The following ADGRB3 variants were observed in gnomAD, a reference collection of about 807,000 sequenced individuals.
The protein encoded by ADGRB3 is brain-specific angiogenesis inhibitor 3.
A neutral mutation model predicts 193.4 loss-of-function variants in ADGRB3; 37 were observed. The ratio of observed to expected loss-of-function variants is 0.19; its 90% CI spans 0.15 to 0.25. The LOEUF is 0.25. Ranked by LOEUF, ADGRB3 falls within the 10% of genes least tolerant of loss-of-function variation. ADGRB3 has a pLI of 1.00. For missense variants in ADGRB3, 1,637 were observed against 1,852.9 expected (o/e 0.88, Z 2.14); for synonymous variants, 690 against 644.2 (o/e 1.07, Z -1.08).
At chr6:68,969,874 T>C (rs1256019467) in intron 8 of ADGRB3, among the ~76,000 whole-genome samples, 1 of 152,222 alleles carries the variant, frequency 6.6e-6, no homozygotes, top group East Asian at 1.9e-4. Context: ...CAAACTATCT[T>C]AAAATTTAAA....
At chr6:69,293,951 T>A (rs1449220025) in intron 20 of ADGRB3, among the ~76,000 whole-genome samples, 1 of 151,448 alleles carries the variant, frequency 6.6e-6, no homozygotes, top group African/African-American at 2.4e-5. Context: ...TCAGAGTTCC[T>A]CCTTTTCCAG....
At chr6:68,923,148 T>A (rs1767090414) in intron 3 of ADGRB3, among the ~76,000 whole-genome samples, 1 of 152,142 alleles carries the variant, frequency 6.6e-6, no homozygotes, top group Non-Finnish European at 1.5e-5. Context: ...TAAAAGATAC[T>A]ATTTTAAGTT....
chr6:69,128,982 C>T (rs976507392), intron 17 of ADGRB3, among the ~76,000 whole-genome samples: 1 of 152,128 alleles, frequency 6.6e-6, no homozygotes, highest in African/African-American at 2.4e-5. Flanking sequence ...GTTATAAGTC[C>T]TTTCCCCATG....
intron 3 of ADGRB3, among the ~76,000 whole-genome samples, chr6:68,835,212 G>A (rs999408441): frequency 3.9e-5 from 6 of 151,982 alleles, no homozygotes; most frequent in African/African-American, 1.2e-4. Flanking sequence ...CCATATATTC[G>A]CTGCATTCTG....
intron 11 of ADGRB3, among the ~76,000 whole-genome samples, chr6:69,007,512 G>C (rs966682502): frequency 1.1e-4 from 16 of 151,894 alleles, no homozygotes; most frequent in African/African-American, 2.7e-4. Flanking sequence ...TGTTCAGACT[G>C]TCATTTACCC....
chr6:69,051,581 G>A (rs1771394763), intron 15 of ADGRB3, among the ~76,000 whole-genome samples: 1 of 152,178 alleles, frequency 6.6e-6, no homozygotes, highest in Non-Finnish European at 1.5e-5. Flanking sequence ...TGAAGTACTA[G>A]TGTTTACTTC....
Position 69,361,438 on chromosome 6 carries a change from G to T in ADGRB3, c.4165G>T (p.Ala1389Ser). Reference protein sequence around the residue: ...EPRTAVKNFMASELDDNAGLS... With the variant: ...EPRTAVKNFMSSELDDNAGLS... ...TCGCACAGCTGTGAAGAATTTCATG[G>T]CCTCTGAGTTGGATGATAATGCAGG... The change falls in exon 29 of 32, where the codon GCC becomes TCC. Residue 1389 changes from alanine (A) to serine (S), a missense_variant. Ala to Ser is a moderately conservative substitution (Grantham distance 99, BLOSUM62 1). Transcript: ENST00000370598. 1 of 1,612,872 alleles carries T rather than the reference G, an allele frequency of 6.2e-7. No homozygotes were observed. The highest frequency in any genetic ancestry group is 1.3e-5 in the African/African-American group (1 of 74,920).
chr6:68,939,880 TTTAA>T (rs780132387), intron 5 of ADGRB3, among the ~76,000 whole-genome samples: 1 of 152,186 alleles, frequency 6.6e-6, no homozygotes, highest in Admixed American at 6.5e-5. Flanking sequence ...GTATTTGGCA[TTTAA>T]TTAATGAAAA....
At chr6:69,261,910 G>A (rs1023935780) in intron 20 of ADGRB3, among the ~76,000 whole-genome samples, 6 of 152,008 alleles carry the variant, frequency 3.9e-5, no homozygotes, top group African/African-American at 1.4e-4. Flanking sequence ...ATAATATTTT[G>A]TAAAATAATT....
At chr6:69,054,353 A>G (rs891311163) in intron 15 of ADGRB3, among the ~76,000 whole-genome samples, 2 of 152,204 alleles carry the variant, frequency 1.3e-5, no homozygotes, top group Admixed American at 6.5e-5. Flanking sequence ...AAAAATGAAT[A>G]GAAAAATAAT....
intron 10 of ADGRB3, among the ~76,000 whole-genome samples, chr6:68,988,951 G>A (rs182332259): frequency 3.3e-5 from 5 of 152,246 alleles, no homozygotes; most frequent in Admixed American, 2.6e-4. Flanking sequence ...AAGAACAGAT[G>A]GAATTAACAT....
chr6:68,833,864 G>A (rs909847201), intron 3 of ADGRB3, among the ~76,000 whole-genome samples: 1 of 151,596 alleles, frequency 6.6e-6, no homozygotes, highest in Non-Finnish European at 1.5e-5. Flanking sequence ...AAGATAAAAT[G>A]ATGGAGATTA....
intron 30 of ADGRB3, among the ~76,000 whole-genome samples, chr6:69,373,971 G>A (rs939661528): frequency 6.6e-6 from 1 of 152,040 alleles, no homozygotes; most frequent in African/African-American, 2.4e-5. Flanking sequence ...ATGGCAACTG[G>A]TAGCAGATTC....
At chr6:68,940,863 G>T (rs2150250153) in intron 5 of ADGRB3, among the ~76,000 whole-genome samples, 1 of 152,254 alleles carries the variant, frequency 6.6e-6, no homozygotes, top group African/African-American at 2.4e-5. Context: ...CTGCACTCCA[G>T]CCTGGGCGAG....
chr6:69,273,227 T>TA (rs1359039651), intron 20 of ADGRB3, among the ~76,000 whole-genome samples: 1 of 152,086 alleles, frequency 6.6e-6, no homozygotes, highest in Admixed American at 6.6e-5. Context: ...TTCTCTCCCA[T>TA]AAAAATTCAC....
chr6:68,747,052 A>G (rs1407971532), intron 3 of ADGRB3, among the ~76,000 whole-genome samples: 1 of 152,192 alleles, frequency 6.6e-6, no homozygotes, highest in Non-Finnish European at 1.5e-5. Context: ...GGATGATAAG[A>G]GTCAGTGAGC....
chr6:69,380,881 A>G (rs943934089), intron 30 of ADGRB3, among the ~76,000 whole-genome samples: 1 of 151,924 alleles, frequency 6.6e-6, no homozygotes, highest in African/African-American at 2.4e-5. Flanking sequence ...GCATGTATTA[A>G]ATGATGGAAT....
intron 11 of ADGRB3, among the ~76,000 whole-genome samples, chr6:69,009,433 T>C (rs947035738): frequency 1.3e-5 from 2 of 152,182 alleles, no homozygotes; most frequent in Non-Finnish European, 2.9e-5. Flanking sequence ...GCAAACAGCA[T>C]GTAAACAGTT....
intron 8 of ADGRB3, among the ~76,000 whole-genome samples, chr6:68,965,079 A>G (rs1046128816): frequency 5.3e-5 from 8 of 152,220 alleles, no homozygotes; most frequent in Non-Finnish European, 1.0e-4. Context: ...ACAAGGTTAT[A>G]AGAATTCTGT....
Sources: gnomAD v4.1 joint callset for allele counts (sites outside exome capture counted in the v4.1 genomes callset) on GRCh38, gnomAD v4.1.1 for gene constraint, MANE v1.5 for transcripts, NCBI Gene and HGNC (gene_info 2026-07-23, HGNC 2026-07-21) for gene names.